MYH16: variants seen among roughly 807,000 people sequenced by gnomAD.
MYH16 encodes the protein myosin heavy chain 16, also known as putative uncharacterized protein MYH16.
chr7:99,302,960 T>C (rs1311235566), intron 38 of MYH16, 105 bp from the exon 20 acceptor site: 1 of 152,262 alleles, frequency 6.6e-6, no homozygotes, highest in Non-Finnish European at 1.5e-5. Flanking sequence ...CCATTTCCTG[T>C]TGGGGTCTGG....
chr7:99,292,474 GC>G (rs1159255550), exon 32 of MYH16: 99 of 470,150 alleles, frequency 2.1e-4, no homozygotes, highest in Non-Finnish European at 4.3e-5. Flanking sequence ...CGAGACCGAT[GC>G]CATCCAGAGG....
intron 22 of MYH16, among the ~76,000 whole-genome samples, chr7:99,279,996 C>T (rs1018072512): frequency 3.3e-5 from 5 of 152,196 alleles, no homozygotes; most frequent in African/African-American, 7.2e-5. Flanking sequence ...CTCAGCCTCC[C>T]GGGTAGCTGG....
chr7:99,306,194 C>A (rs1052070767), intron 41 of MYH16, among the ~76,000 whole-genome samples, 158 bp downstream of exon 22: 6 of 152,132 alleles, frequency 3.9e-5, no homozygotes, highest in Non-Finnish European at 8.8e-5. Flanking sequence ...TCCTTGGAAT[C>A]CAGTGGGAGG....
intron 25 of MYH16, among the ~76,000 whole-genome samples, chr7:99,284,535 G>A (rs1228902744): frequency 6.6e-6 from 1 of 152,192 alleles, no homozygotes; most frequent in Non-Finnish European, 1.5e-5. Context: ...GCTGCAGTGA[G>A]CCATGATCAT....
chr7:99,279,888 CAG>C (rs1168582692), intron 22 of MYH16, among the ~76,000 whole-genome samples, 151 bp downstream of exon 4: 5 of 152,084 alleles, frequency 3.3e-5, no homozygotes, highest in African/African-American at 9.6e-5. Context: ...TGTTTTGCGA[CAG>C]AGTCTCGCTC....
intron 1 of MYH16, among the ~76,000 whole-genome samples, chr7:99,239,242 A>G (rs1791633682): frequency 6.6e-6 from 1 of 152,244 alleles, no homozygotes; most frequent in South Asian, 2.1e-4. Context: ...ATCACAATAG[A>G]GATTCCGAGA....
At chr7:99,295,398 T>C (rs1167705912) in intron 33 of MYH16, among the ~76,000 whole-genome samples, 2 of 151,344 alleles carry the variant, frequency 1.3e-5, no homozygotes, top group Non-Finnish European at 2.9e-5. Flanking sequence ...GAAAAGAAAG[T>C]TACATGATGC....
At chr7:99,282,227 T>G (rs561802227) in intron 23 of MYH16, among the ~76,000 whole-genome samples, 22 of 152,178 alleles carry the variant, frequency 1.4e-4, no homozygotes, top group African/African-American at 5.1e-4. Flanking sequence ...GGTTTCACCA[T>G]GTTGGCCAGG....
rs116918906 is a variant in MYH16 at position 99,244,859 on chromosome 7, C to T, written n.354+1438C>T. On this transcript the variant is annotated intron_variant and non_coding_transcript_variant, in intron 2 of 41. Transcript: ENST00000439784. ...AGGGCTTACCTGGGGCTGCTCTGCC[C>T]GCAAGCCCTTGTTCCTCCTGGGTGA... 8.5e-3 allele frequency among the ~76,000 whole-genome samples: 1,298 copies of T among 152,306 alleles called. 6 individuals are homozygous for T. Among genetic ancestry groups the T allele is most frequent in the Middle Eastern group, 0.024 (7 of 294 alleles).
At chr7:99,295,973 C>A (rs1368424070) in intron 33 of MYH16, among the ~76,000 whole-genome samples, 1 of 151,560 alleles carries the variant, frequency 6.6e-6, no homozygotes, top group Non-Finnish European at 1.5e-5. Context: ...GAAACCCCAT[C>A]TCTACTAAAA....
At chr7:99,269,865 C>CT (rs983455403) in intron 18 of MYH16, among the ~76,000 whole-genome samples, 5,521 of 107,686 alleles carry the variant, frequency 0.051, 612 homozygotes, top group African/African-American at 0.1. Context: ...TCTGGGGACA[C>CT]TTTTTTTTTT....
At chr7:99,254,157 G>C (rs1278472404) in intron 8 of MYH16, 1 of 152,194 alleles carries the variant, frequency 6.6e-6, no homozygotes, top group Non-Finnish European at 1.5e-5. Context: ...GCTGACACAG[G>C]AGAATCAGTT....
chr7:99,252,341 G>A (rs1253543480), intron 6 of MYH16: 1 of 152,970 alleles, frequency 6.5e-6, no homozygotes, highest in African/African-American at 2.4e-5. Context: ...CTTGCACAGA[G>A]CCTGGGAAAA....
intron 18 of MYH16, among the ~76,000 whole-genome samples, chr7:99,267,986 T>C (rs983655842): frequency 6.6e-6 from 1 of 152,222 alleles, no homozygotes; most frequent in African/African-American, 2.4e-5. Flanking sequence ...GCTTCCAGCA[T>C]GCCTGTGCCT....
intron 19 of MYH16, 47 bp from the exon 2 acceptor site, chr7:99,273,295 C>G (rs1374529528): frequency 2.2e-6 from 1 of 456,426 alleles, no homozygotes; most frequent in East Asian, 6.9e-5. Context: ...GAAGCCAGGT[C>G]CTAACACCTT....
intron 33 of MYH16, among the ~76,000 whole-genome samples, chr7:99,294,756 G>A (rs1372597646): frequency 1.3e-5 from 2 of 151,920 alleles, no homozygotes; most frequent in Non-Finnish European, 2.9e-5. Context: ...AGTAAAGACA[G>A]GGTTTCATCA....
At chr7:99,280,513 TG>T (rs1258907760) in intron 22 of MYH16, among the ~76,000 whole-genome samples, 1 of 152,166 alleles carries the variant, frequency 6.6e-6, no homozygotes, top group Non-Finnish European at 1.5e-5. Context: ...CTATTGCAGG[TG>T]GGTTGGGTTC....
intron 33 of MYH16, among the ~76,000 whole-genome samples, chr7:99,294,438 A>T (rs573400006): frequency 3.5e-5 from 5 of 142,058 alleles, no homozygotes; most frequent in Non-Finnish European, 7.6e-5. Flanking sequence ...TGGCCAAGGC[A>T]GGAGGACCAC....
At chr7:99,249,744 C>T (rs1177539961) in intron 4 of MYH16, among the ~76,000 whole-genome samples, 2 of 151,526 alleles carry the variant, frequency 1.3e-5, no homozygotes, top group African/African-American at 4.8e-5. Flanking sequence ...TTAATAGAGA[C>T]GGGGGCTTCA....
Sources: allele counts gnomAD v4.1 joint callset (sites outside exome capture counted in the v4.1 genomes callset), GRCh38; gene constraint gnomAD v4.1.1; transcripts MANE v1.5; gene names NCBI Gene and HGNC (gene_info 2026-07-23, HGNC 2026-07-21).